EQTN: variants seen among roughly 807,000 people sequenced by gnomAD.
EQTN encodes the protein equatorin.
Under a neutral mutation model 26.9 loss-of-function variants are expected in EQTN, and 29 were observed. The ratio of observed to expected loss-of-function variants is 1.08; its 90% CI spans 0.80 to 1.47. EQTN has a LOEUF of 1.47. Among genes scored for constraint, EQTN ranks in the 40% most tolerant of loss-of-function variants. EQTN has a pLI of 0.00. For synonymous variants in EQTN, 129 were observed against 120.0 expected (o/e 1.07, Z -0.49); for missense variants, 391 against 346.1 (o/e 1.13, Z -1.03).
At chr9:27,288,595 G>A (rs79520455) in intron 6 of EQTN, among the ~76,000 whole-genome samples, 1,786 of 152,166 alleles carry the variant, frequency 0.012, 43 homozygotes, top group African/African-American at 0.041. Flanking sequence ...TTTCATAATT[G>A]CCAAAAATTG....
rs1178045609 is a variant in EQTN, at chr9:27,284,798, A to G, written c.810T>C (p.Ser270=). The change falls in exon 8 of 8, where the codon TCT becomes TCC. Residue 270 remains serine, a synonymous_variant. Transcript: ENST00000380032. ...MRRSGTRTSE[S]KIMTDIISIG... is the part of the protein sequence containing the mutation. ...TGGAAATGATATCCGTCATTATCTT[A>G]GATTCTGATGTTCTTGTGCCTGATC... 1 of 1,614,076 alleles carries G rather than the reference A, an allele frequency of 6.2e-7. No individual in the cohort carries two copies. Among genetic ancestry groups the G allele is most frequent in the South Asian group, 1.1e-5 (1 of 91,080 alleles).
rs1212408431 is a variant in EQTN, at chr9:27,296,520, A to G, written c.202+93T>C. ...TAGAAATAAAATACCCAACAAATAC[A>G]GGGGGAAATGATGGAAATTTAAAAA... On this transcript the variant is annotated intron_variant, in intron 2 of 7. Coordinates refer to ENST00000380032, the MANE Select transcript of EQTN (RefSeq NM_020641.3). The G allele has an allele frequency of 5.6e-6, 5 of 894,250 alleles. No individual in the cohort carries two copies. The Admixed American group carries it at 1.6e-4, about 28-fold the overall frequency. The allele number at this position is 894,250 out of a possible 1,614,324, so 55.4% of individuals were successfully genotyped here.
intron 4 of EQTN, chr9:27,292,180 C>A: frequency 3.3e-6 from 1 of 300,356 alleles, no homozygotes; most frequent in Non-Finnish European, 6.1e-6. Flanking sequence ...AAATAAAGTT[C>A]TATTTCTACA....
At chr9:27,295,739 G>A (rs1820323097) in intron 2 of EQTN, among the ~76,000 whole-genome samples, 1 of 148,290 alleles carries the variant, frequency 6.7e-6, no homozygotes, top group African/African-American at 2.5e-5. Context: ...GGCTGAGGCA[G>A]GAGAATGGTG....
chr9:27,290,761 T>C (rs1276982574), intron 5 of EQTN, among the ~76,000 whole-genome samples: 2 of 152,262 alleles, frequency 1.3e-5, no homozygotes, highest in African/African-American at 2.4e-5. Context: ...AAGAATCTTA[T>C]TGAAAAATTT....
intron 5 of EQTN, 99 bp from the exon 6 acceptor site, chr9:27,289,830 T>C (rs2131306313): frequency 2.3e-6 from 2 of 875,468 alleles, no homozygotes; most frequent in South Asian, 4.2e-5. Flanking sequence ...CCAGTGTGTG[T>C]ACAGTCTGTT....
intron 7 of EQTN, among the ~76,000 whole-genome samples, chr9:27,285,971 TC>T (rs1203085063): frequency 1.3e-5 from 2 of 152,238 alleles, no homozygotes; most frequent in Non-Finnish European, 2.9e-5. Flanking sequence ...ATTCGCTTTA[TC>T]CTTTCCAATT....
At chr9:27,289,346 C>T (rs1187943903) in intron 6 of EQTN, among the ~76,000 whole-genome samples, 1 of 152,106 alleles carries the variant, frequency 6.6e-6, no homozygotes, top group Non-Finnish European at 1.5e-5. Context: ...TGTTAGTCAC[C>T]TTTCATACGC....
In EQTN at chr9:27,284,843, G is replaced by A. The variant is rs2131302301; in HGVS notation, c.765C>T (p.Thr255=). 1.2e-6 allele frequency: 2 copies of A among 1,614,018 alleles called. No homozygotes were observed. Among genetic ancestry groups the A allele is most frequent in the South Asian group, 2.2e-5 (2 of 91,070 alleles). The change falls in exon 8 of 8, where the codon ACC becomes ACT. Residue 255 remains threonine, a synonymous_variant. Coordinates refer to ENST00000380032, the MANE Select transcript of EQTN (RefSeq NM_020641.3). ...KSAESSTFLG[T]TSSDMRRSGT... is the part of the protein sequence containing the mutation. ...CTGATCTTCTCATATCTGAAGAAGT[G>A]GTACCCAAAAATGTGCTGCTCTCTG...
chr9:27,285,084 GTTAC>G (rs1820091216), intron 7 of EQTN, 112 bp from the exon 8 acceptor site: 1 of 499,960 alleles, frequency 2.0e-6, no homozygotes, highest in East Asian at 5.5e-5. Flanking sequence ...CAAAGTGTTA[GTTAC>G]TTAGTAACAT....
chr9:27,286,088 A>T, intron 7 of EQTN, 121 bp downstream of exon 7: 1 of 1,006,984 alleles, frequency 9.9e-7, no homozygotes, highest in Admixed American at 2.5e-5. Flanking sequence ...AATGGAATCA[A>T]TTTGAATGTC....
intron 3 of EQTN, 150 bp downstream of exon 3, chr9:27,294,166 T>A (rs1228582725): frequency 2.0e-6 from 1 of 506,520 alleles, no homozygotes; most frequent in African/African-American, 1.9e-5. Flanking sequence ...AGAACTAAGC[T>A]GGATCCCAGT....
Position 27,287,813 on chromosome 9 carries a change from T to C in EQTN, c.482-1451A>G, listed in dbSNP as rs1682604933. Among the ~76,000 whole-genome samples, 11 of 152,316 alleles carry C rather than the reference T, an allele frequency of 7.2e-5. No homozygotes were observed. The South Asian group carries it at 2.3e-3, about 32-fold the overall frequency. ...CTCAATTTTCTTTTCTTTTCTTTTT[T>C]TGAGATGGAGTCTTGCTCTGTCACC... On this transcript the variant is annotated intron_variant, in intron 6 of 7. Coordinates refer to ENST00000380032, the MANE Select transcript of EQTN (RefSeq NM_020641.3).
intron 5 of EQTN, 63 bp from the exon 6 acceptor site, chr9:27,289,794 T>C (rs1244854199): frequency 4.8e-6 from 6 of 1,259,622 alleles, no homozygotes; most frequent in Non-Finnish European, 6.8e-6. Context: ...TGCCTGTGTA[T>C]GTATGTGTAT....
intron 6 of EQTN, among the ~76,000 whole-genome samples, chr9:27,289,259 G>T (rs10967863): frequency 0.46 from 70,346 of 151,992 alleles, 18,636 homozygotes; most frequent in Non-Finnish European, 0.59. Context: ...AGGTGGTAAT[G>T]GTCATGTGGG....
At chr9:27,289,872 G>A in intron 5 of EQTN, 141 bp from the exon 6 acceptor site, 1 of 539,620 alleles carries the variant, frequency 1.9e-6, no homozygotes, top group Non-Finnish European at 3.1e-6. Context: ...ATTCTATAAA[G>A]TCTTATAAAC....
chr9:27,294,448 T>C (rs760244631), intron 2 of EQTN, 46 bp from the exon 3 acceptor site: 2 of 1,227,062 alleles, frequency 1.6e-6, no homozygotes, highest in African/African-American at 3.0e-5. Flanking sequence ...AAGTCACTTT[T>C]TTTCCTTTAC....
intron 6 of EQTN, 27 bp from the exon 7 acceptor site, chr9:27,286,389 A>G: frequency 6.4e-7 from 1 of 1,563,096 alleles, no homozygotes; most frequent in Non-Finnish European, 8.7e-7. Context: ...TGCAGTGGAA[A>G]ATAGGGTGTT....
intron 7 of EQTN, among the ~76,000 whole-genome samples, chr9:27,285,457 T>C (rs1820101630): frequency 2.0e-5 from 3 of 152,212 alleles, no homozygotes; most frequent in African/African-American, 7.2e-5. Context: ...TTTCTTTCAT[T>C]GTAATTTGAT....
Sources: allele counts gnomAD v4.1 joint callset (sites outside exome capture counted in the v4.1 genomes callset), GRCh38; gene constraint gnomAD v4.1.1; transcripts MANE v1.5; gene names NCBI Gene and HGNC (gene_info 2026-07-23, HGNC 2026-07-21).